The following CALN1 variants were observed in gnomAD, a reference collection of about 807,000 sequenced individuals.
The protein encoded by CALN1 is calneuron 1.
In CALN1, 17 loss-of-function variants were observed where a neutral mutation model predicts 30.6. The ratio of observed to expected loss-of-function variants is 0.56; its 90% CI spans 0.38 to 0.83. CALN1 has a LOEUF of 0.83. Among genes scored for constraint, CALN1 ranks in the 40% least tolerant of loss-of-function variants. The pLI is 0.00. For synonymous variants in CALN1, 156 were observed against 131.4 expected (o/e 1.19, Z -1.28); for missense variants, 291 against 354.9 (o/e 0.82, Z 1.45).
intron 2 of CALN1, among the ~76,000 whole-genome samples, chr7:72,360,691 T>C (rs1803521389): frequency 6.7e-6 from 1 of 148,816 alleles, no homozygotes; most frequent in Non-Finnish European, 1.5e-5. Context: ...ATATGTAACA[T>C]GTAACAAACC....
intron 5 of CALN1, among the ~76,000 whole-genome samples, chr7:71,823,756 AAAAGAG>A (rs1385267988): frequency 1.3e-5 from 2 of 152,058 alleles, no homozygotes; most frequent in African/African-American, 4.8e-5. Context: ...AAAGAAAAGA[AAAAGAG>A]AAAGAAAAGA....
intron 3 of CALN1, among the ~76,000 whole-genome samples, chr7:72,110,856 G>A (rs1807520887): frequency 6.6e-6 from 1 of 152,060 alleles, no homozygotes; most frequent in Non-Finnish European, 1.5e-5. Context: ...GCAAAACAGG[G>A]TGTGAAAAAT....
intron 2 of CALN1, among the ~76,000 whole-genome samples, chr7:72,354,290 T>A (rs1422911496): frequency 1.3e-5 from 2 of 152,174 alleles, no homozygotes; most frequent in Non-Finnish European, 2.9e-5. Context: ...AAAACATTGC[T>A]GAGAGAGATT....
intron 5 of CALN1, among the ~76,000 whole-genome samples, chr7:71,989,815 A>G (rs1428395609): frequency 6.6e-6 from 1 of 152,100 alleles, no homozygotes; most frequent in African/African-American, 2.4e-5. Flanking sequence ...TTAGTGTCTT[A>G]AAAAAAATCC....
chr7:72,362,225 GTGGAAGCATTA>G (rs768835787), intron 2 of CALN1, among the ~76,000 whole-genome samples: 2 of 152,218 alleles, frequency 1.3e-5, no homozygotes, highest in Non-Finnish European at 1.5e-5. Flanking sequence ...GTTGCTAACT[GTGGAAGCATTA>G]TGGATCTTAT....
At chr7:72,401,179 GC>G (rs1321723811) in intron 2 of CALN1, among the ~76,000 whole-genome samples, 4 of 152,170 alleles carry the variant, frequency 2.6e-5, no homozygotes, top group Admixed American at 6.5e-5. Context: ...CAATACCCAG[GC>G]AGTGCTTTAC....
intron 3 of CALN1, among the ~76,000 whole-genome samples, chr7:72,253,823 C>T (rs1269636130): frequency 6.6e-6 from 1 of 152,196 alleles, no homozygotes; most frequent in African/African-American, 2.4e-5. Flanking sequence ...TCACTGCAAC[C>T]TCCGCCTCCC....
At chr7:72,385,839 CTG>C (rs1805179343) in intron 2 of CALN1, among the ~76,000 whole-genome samples, 1 of 152,190 alleles carries the variant, frequency 6.6e-6, no homozygotes, top group Non-Finnish European at 1.5e-5. Flanking sequence ...TCCACCATGA[CTG>C]TAACTTTCCT....
intron 2 of CALN1, among the ~76,000 whole-genome samples, chr7:72,378,875 T>G (rs1804723718): frequency 6.6e-6 from 1 of 152,154 alleles, no homozygotes; most frequent in Non-Finnish European, 1.5e-5. Context: ...GCCTGTATCC[T>G]ACTTTTCTGA....
intron 3 of CALN1, among the ~76,000 whole-genome samples, chr7:72,274,461 T>A (rs1180564037): frequency 6.8e-6 from 1 of 146,646 alleles, no homozygotes; most frequent in Non-Finnish European, 1.5e-5. Context: ...TGAGCAAAGA[T>A]CGCGCCACTG....
intron 3 of CALN1, among the ~76,000 whole-genome samples, chr7:72,216,861 C>A (rs1337271351): frequency 2.6e-5 from 4 of 152,152 alleles, no homozygotes; most frequent in African/African-American, 9.6e-5. Flanking sequence ...AAGTGATCCT[C>A]CTGCCTCAGC....
At chr7:72,210,318 T>G (rs540736850) in intron 3 of CALN1, among the ~76,000 whole-genome samples, 1 of 152,224 alleles carries the variant, frequency 6.6e-6, no homozygotes, top group African/African-American at 2.4e-5. Context: ...TTGGTGAATG[T>G]GAAGAATAAA....
chr7:72,200,842 A>C (rs980259130), intron 3 of CALN1, among the ~76,000 whole-genome samples: 1 of 152,222 alleles, frequency 6.6e-6, no homozygotes, highest in Non-Finnish European at 1.5e-5. Context: ...GGGCTTGTGA[A>C]TTTGTTTCTC....
intron 4 of CALN1, among the ~76,000 whole-genome samples, chr7:72,057,383 C>CTTTTTTTTTTTTT (rs60838093): frequency 2.0e-5 from 2 of 101,910 alleles, no homozygotes; most frequent in Non-Finnish European, 1.9e-5. Context: ...TTTAAATGTT[C>CTTTTTTTTTTTTT]TTTTTTTTTT....
chr7:72,026,306 T>C (rs1012596862), intron 4 of CALN1, among the ~76,000 whole-genome samples: 1 of 151,698 alleles, frequency 6.6e-6, no homozygotes, highest in African/African-American at 2.4e-5. Context: ...TAGAGGGGGG[T>C]TGGGTGAGGT....
chr7:72,209,545 C>G (rs1282798249), intron 3 of CALN1, among the ~76,000 whole-genome samples: 2 of 95,548 alleles, frequency 2.1e-5, no homozygotes, highest in Non-Finnish European at 4.7e-5. Context: ...TCTCCGCCCT[C>G]CGTTCCTCCC....
chr7:72,418,647 T>C (rs985863907), intron 1 of CALN1, among the ~76,000 whole-genome samples: 6 of 151,554 alleles, frequency 4.0e-5, no homozygotes, highest in Admixed American at 3.3e-4. Flanking sequence ...GCTCCTGGAG[T>C]TTACCAGAGC....
chr7:72,477,043 T>C, the CALN1 span, among the ~76,000 whole-genome samples: 2 of 152,278 alleles, frequency 1.3e-5, no homozygotes, highest in South Asian at 4.1e-4. Flanking sequence ...AAACACCGTC[T>C]CTACTAAAAA....
intron 3 of CALN1, among the ~76,000 whole-genome samples, chr7:72,190,707 A>AT (rs1435484897): frequency 1.3e-5 from 2 of 152,228 alleles, no homozygotes; most frequent in African/African-American, 4.8e-5. Flanking sequence ...TGTACCTTGA[A>AT]TATTTGAAAG....
Sources: gnomAD v4.1 joint callset for allele counts (sites outside exome capture counted in the v4.1 genomes callset) on GRCh38, gnomAD v4.1.1 for gene constraint, MANE v1.5 for transcripts, NCBI Gene and HGNC (gene_info 2026-07-23, HGNC 2026-07-21) for gene names.